LOXHD1: variants seen among roughly 807,000 people sequenced by gnomAD.
LOXHD1 encodes the protein lipoxygenase homology PLAT domains 1, also known as lipoxygenase homology domain-containing protein 1.
Under a neutral mutation model 248.2 loss-of-function variants are expected in LOXHD1, and 205 were observed. The ratio of observed to expected loss-of-function variants is 0.83; its 90% CI spans 0.74 to 0.93. The LOEUF is 0.93. LOXHD1 is among the 40% of genes least tolerant of loss of function. LOXHD1 has a pLI of 0.00. For missense variants in LOXHD1, 2,930 were observed against 2,971.6 expected (o/e 0.99, Z 0.33); for synonymous variants, 1,113 against 1,162.8 (o/e 0.96, Z 0.87).
At chr18:46,558,351 C>G (rs2037423584) in intron 20 of LOXHD1, among the ~76,000 whole-genome samples, 1 of 152,170 alleles carries the variant, frequency 6.6e-6, no homozygotes, top group African/African-American at 2.4e-5. Flanking sequence ...TATAATCACA[C>G]TAGAATGATC....
At chr18:46,488,252 C>A (rs1363561296) in intron 38 of LOXHD1, among the ~76,000 whole-genome samples, 3 of 152,166 alleles carry the variant, frequency 2.0e-5, no homozygotes, top group Non-Finnish European at 4.4e-5. Flanking sequence ...GAGCTTGGGT[C>A]CCTAAATCAC....
At position 46,541,825 on chromosome 18, in the gene LOXHD1, G is replaced by A. The variant is rs563547619; in HGVS notation, c.3864C>T (p.Ile1288=). ...GCTCTGCATGGAAGAGGTCTCTGATGATGGACCCGTCGTCTTCGTTTTTGG... is the reference window on the plus strand; with the variant it reads ...GCTCTGCATGGAAGAGGTCTCTGATAATGGACCCGTCGTCTTCGTTTTTGG... The part of the protein sequence containing the change: ...WLAKNEDDGS[I]IRDLFHAELQ... The change falls in exon 25 of 41, where the codon ATC becomes ATT. Residue 1288 remains isoleucine (I), a synonymous_variant. Transcript: ENST00000642948. 5.2e-6 allele frequency: 8 copies of A among 1,551,726 alleles called. No homozygotes were observed. The African/African-American group carries it at 1.1e-4, about 21-fold the overall frequency.
At chr18:46,641,001 G>A (rs560433881) in intron 3 of LOXHD1, among the ~76,000 whole-genome samples, 1 of 152,280 alleles carries the variant, frequency 6.6e-6, no homozygotes, top group East Asian at 1.9e-4. Context: ...TTGGAAGGAT[G>A]TATGCCTCTG....
intron 6 of LOXHD1, among the ~76,000 whole-genome samples, chr18:46,609,885 T>C (rs952153471): frequency 3.3e-5 from 5 of 152,204 alleles, no homozygotes; most frequent in African/African-American, 4.8e-5. Flanking sequence ...CAAGGCCAGA[T>C]AGAGCCAGGG....
Position 46,483,725 on chromosome 18 carries a change from T to A in LOXHD1, c.6203A>T (p.Glu2068Val). The A allele has an allele frequency of 6.4e-7, 1 of 1,550,980 alleles. No homozygotes were observed. Among genetic ancestry groups the A allele is most frequent in the Admixed American group, 2.0e-5 (1 of 50,872 alleles). Residue 2068 changes from glutamate (E) to valine (V), a missense_variant, in exon 40 of 41, where the codon GAG becomes GTG. Physicochemically the swap from Glu to Val is moderately radical, Grantham distance 121. Coordinates refer to ENST00000642948, the MANE Select transcript of LOXHD1 (RefSeq NM_001384474.1). ...AFRKGTTDTF[E>V]FDSIYLGDIA... ...GTCCCCCAAGTAGATGCTGTCAAAC[T>A]CAAACGTGTCTGTGGTCCCCCTGCA... is the stretch of plus-strand genomic sequence containing the variant.
Position 46,541,029 on chromosome 18 carries a change from C to A in LOXHD1, c.3913+747G>T, listed in dbSNP as rs114517301. ...ATTTAGTTAGAAAAAATTATATGCT[C>A]TGGAATTTATTCAGATTTTACCAAA... On this transcript the variant is annotated intron_variant, in intron 25 of 40. Transcript: ENST00000642948. 3.3e-3 allele frequency among the ~76,000 whole-genome samples: 496 copies of A among 152,308 alleles called. 2 individuals carry two copies. The highest frequency in any genetic ancestry group is 0.012 in the African/African-American group (485 of 41,570).
intron 31 of LOXHD1, among the ~76,000 whole-genome samples, chr18:46,522,845 C>T (rs1194071696): frequency 6.6e-6 from 1 of 152,192 alleles, no homozygotes; most frequent in Non-Finnish European, 1.5e-5. Context: ...CAGGTAGTGT[C>T]CATAGAGTTG....
At chr18:46,545,213 G>T in intron 23 of LOXHD1, 104 bp downstream of exon 23, 1 of 826,118 alleles carries the variant, frequency 1.2e-6, no homozygotes, top group East Asian at 2.7e-5. Context: ...ATCCTATTGA[G>T]AGACAAAAGC....
intron 21 of LOXHD1, among the ~76,000 whole-genome samples, chr18:46,554,633 C>T (rs1004929806): frequency 6.0e-5 from 9 of 150,216 alleles, no homozygotes; most frequent in Non-Finnish European, 1.0e-4. Flanking sequence ...ACTAGCCATG[C>T]CAACAGAAAG....
intron 1 of LOXHD1, among the ~76,000 whole-genome samples, chr18:46,656,620 G>C (rs1024894863): frequency 1.7e-4 from 26 of 152,202 alleles, no homozygotes; most frequent in Non-Finnish European, 3.2e-4. Flanking sequence ...TTCAGGAGCT[G>C]GAGAACATGG....
intron 33 of LOXHD1, chr18:46,518,749 TG>T: frequency 2.8e-6 from 1 of 356,982 alleles, no homozygotes; most frequent in Non-Finnish European, 3.9e-6. Flanking sequence ...GCATGGCACC[TG>T]GTGCTGAGCC....
chr18:46,524,439 G>A (rs375964762), intron 31 of LOXHD1, 27 bp downstream of exon 31: 185 of 1,542,148 alleles, frequency 1.2e-4, no homozygotes, highest in African/African-American at 8.2e-5. Flanking sequence ...CCTGGCCCCC[G>A]TCCAAAGAGC....
At chr18:46,535,484 G>C (rs1047765771) in intron 26 of LOXHD1, among the ~76,000 whole-genome samples, 2 of 152,098 alleles carry the variant, frequency 1.3e-5, no homozygotes, top group Non-Finnish European at 2.9e-5. Context: ...CTCCCACCTG[G>C]AGCCTCCAGG....
At chr18:46,604,008 C>T in intron 7 of LOXHD1, 98 bp downstream of exon 7, 1 of 1,481,250 alleles carries the variant, frequency 6.8e-7, no homozygotes. Flanking sequence ...CCAGCTGGCT[C>T]CTGTTTGATC....
chr18:46,592,260 T>C (rs1278035331), intron 11 of LOXHD1, among the ~76,000 whole-genome samples, 192 bp from the exon 12 acceptor site: 2 of 128,498 alleles, frequency 1.6e-5, no homozygotes, highest in Admixed American at 1.6e-4. Flanking sequence ...AGCAACCAGA[T>C]GACTAGGGCA....
At position 46,483,580 on chromosome 18, in the gene LOXHD1, T is replaced by A. The variant is rs1326584841; in HGVS notation, c.6341+7A>T. 8 of 1,551,480 alleles carry A rather than the reference T, an allele frequency of 5.2e-6. No homozygotes were observed. The South Asian group carries it at 8.3e-5, about 16-fold the overall frequency. On this transcript the variant is annotated splice_region_variant and intron_variant, in intron 40 of 40. Transcript: ENST00000642948. ...GGCACTTCCTTGGGGAGAGGCTCAG[T>A]ACATACACATTGCCGTACTCCATCT...
At chr18:46,614,732 A>G (rs1382603357) in intron 5 of LOXHD1, among the ~76,000 whole-genome samples, 1 of 151,906 alleles carries the variant, frequency 6.6e-6, no homozygotes, top group African/African-American at 2.4e-5. Flanking sequence ...AAATAAATAA[A>G]TAAATAAATA....
chr18:46,477,636 G>A lies in LOXHD1; in HGVS notation c.6658C>T (p.Arg2220Cys), dbSNP rs765602186. Residue 2220 changes from arginine (R) to cysteine (C), a missense_variant, in exon 41 of 41, where the codon CGC becomes TGC. Transcript: ENST00000642948. ...TAGCCACTGCTGTCGTGCTCCAGGC[G>A]CACCTTGCGCAGCTCACCCAGCTCC... Reference protein sequence around the residue: ...TLELGELRKVRLEHDSSGYCS... With the variant: ...TLELGELRKVCLEHDSSGYCS... 22 of 1,551,618 alleles carry A rather than the reference G, an allele frequency of 1.4e-5. No homozygotes were observed. Among genetic ancestry groups the A allele is most frequent in the Middle Eastern group, 1.7e-4 (1 of 6,014 alleles).
chr18:46,545,839 C>T (rs1286576879), intron 22 of LOXHD1, among the ~76,000 whole-genome samples: 1 of 151,336 alleles, frequency 6.6e-6, no homozygotes, highest in Admixed American at 6.6e-5. Context: ...CCGTTTTAGC[C>T]GGGATGGTCT....
Sources: allele counts gnomAD v4.1 joint callset (sites outside exome capture counted in the v4.1 genomes callset), GRCh38; gene constraint gnomAD v4.1.1; transcripts MANE v1.5; gene names NCBI Gene and HGNC (gene_info 2026-07-23, HGNC 2026-07-21).